ZNF148: variants seen among roughly 807,000 people sequenced by gnomAD.
The protein encoded by ZNF148 is Beta-Enolase Repressor Factor-1.
ZNF148 carries 7 observed loss-of-function variants against 67.7 expected under a neutral mutation model. That is an observed-to-expected ratio of 0.10 (90% CI 0.06 to 0.19). The LOEUF is 0.19. Among genes scored for constraint, ZNF148 ranks in the 10% least tolerant of loss-of-function variants. The pLI, the probability that ZNF148 is intolerant of heterozygous loss-of-function variation, is 1.00. For synonymous variants in ZNF148, 333 were observed against 330.7 expected, an observed-to-expected ratio of 1.01 and a Z score of -0.08; for missense variants, 583 against 947.1, an observed-to-expected ratio of 0.62 and a Z score of 5.05.
rs1184608384 is a variant in ZNF148 at position 125,230,740 on chromosome 3, AT to A, written c.*1600del. ...CAAAATGGAAATTAAGAATATTTTC[AT>A]TTTCCAAGGGTATTAATTTTAGATT... On this transcript the variant is annotated 3_prime_UTR_variant, in exon 9 of 9. Transcript: ENST00000360647. 6.6e-6 allele frequency: 1 copy of A among 152,296 alleles called. No individual in the cohort carries two copies. Among genetic ancestry groups the A allele is most frequent in the Admixed American group, 6.6e-5 (1 of 15,256 alleles). The allele number at this position is 152,296 out of a possible 1,614,324, so 9.4% of individuals were successfully genotyped here.
intron 3 of ZNF148, among the ~76,000 whole-genome samples, chr3:125,322,314 A>ATT (rs879720472): frequency 7.0e-6 from 1 of 143,136 alleles, no homozygotes; most frequent in Non-Finnish European, 1.5e-5. Context: ...GCCTGAGGCC[A>ATT]TTTTTTTTTT....
chr3:125,323,674 T>C (rs1940886394), intron 2 of ZNF148, among the ~76,000 whole-genome samples: 2 of 152,042 alleles, frequency 1.3e-5, no homozygotes, highest in Admixed American at 6.6e-5. Context: ...TAAAGAACAA[T>C]TGCCGGCCAG....
At chr3:125,357,208 T>G (rs978860645) in intron 1 of ZNF148, 1 of 151,858 alleles carries the variant, frequency 6.6e-6, no homozygotes, top group East Asian at 1.9e-4. Flanking sequence ...ATCTGGGAGG[T>G]CCGGCCGCCG....
At chr3:125,278,593 G>A (rs995848400) in intron 6 of ZNF148, among the ~76,000 whole-genome samples, 1 of 151,938 alleles carries the variant, frequency 6.6e-6, no homozygotes, top group Non-Finnish European at 1.5e-5. Context: ...ATCCTGCTTG[G>A]AATTCTATCT....
At chr3:125,335,790 A>G (rs1322738341) in intron 1 of ZNF148, among the ~76,000 whole-genome samples, 1 of 152,230 alleles carries the variant, frequency 6.6e-6, no homozygotes, top group Non-Finnish European at 1.5e-5. Flanking sequence ...GACAGTTTCT[A>G]CTGATACAGT....
chr3:125,370,029 C>T (rs1041761707), intron 1 of ZNF148, among the ~76,000 whole-genome samples: 1 of 151,870 alleles, frequency 6.6e-6, no homozygotes, highest in Non-Finnish European at 1.5e-5. Context: ...AGAGAAGAAG[C>T]TTATCTGTTA....
chr3:125,325,244 G>T (rs1940967626), intron 2 of ZNF148, among the ~76,000 whole-genome samples: 1 of 151,926 alleles, frequency 6.6e-6, no homozygotes, highest in Non-Finnish European at 1.5e-5. Flanking sequence ...CATCAGAAGG[G>T]CTCAACAGAT....
intron 1 of ZNF148, chr3:125,344,069 G>A (rs575811736): frequency 9.9e-5 from 18 of 181,038 alleles, no homozygotes; most frequent in Non-Finnish European, 1.7e-4. Context: ...TTAAATGCAC[G>A]CATTAAATTA....
In ZNF148 at chr3:125,328,005, T is replaced by C. The variant is rs528504600; in HGVS notation, c.-153+3153A>G. ...TAATATGCTCTCAGGCATTTTATCT[T>C]TGTAGTTGTCATTATGAATGTATAC... On this transcript the variant is annotated intron_variant, in intron 2 of 8. Transcript: ENST00000360647. Among the ~76,000 whole-genome samples the C allele has an allele frequency of 4.6e-5, 7 of 152,220 alleles. No homozygotes were observed. The South Asian group carries it at 1.4e-3, about 32-fold the overall frequency.
At chr3:125,317,449 AC>A (rs1940555624) in intron 3 of ZNF148, among the ~76,000 whole-genome samples, 1 of 151,946 alleles carries the variant, frequency 6.6e-6, no homozygotes, top group Non-Finnish European at 1.5e-5. Flanking sequence ...GTTTGCTACA[AC>A]CCTTCAATGG....
At chr3:125,266,387 T>A (rs555207299) in intron 7 of ZNF148, among the ~76,000 whole-genome samples, 1 of 152,052 alleles carries the variant, frequency 6.6e-6, no homozygotes, top group South Asian at 2.1e-4. Context: ...TCAGACCACA[T>A]TGGAATAAAA....
At chr3:125,239,941 A>AGT (rs1936270334) in intron 7 of ZNF148, among the ~76,000 whole-genome samples, 1 of 152,180 alleles carries the variant, frequency 6.6e-6, no homozygotes, top group Non-Finnish European at 1.5e-5. Flanking sequence ...GAGAATGGGG[A>AGT]GTGACTACTA....
intron 6 of ZNF148, 149 bp from the exon 7 acceptor site, chr3:125,277,958 T>C (rs966303975): frequency 1.9e-6 from 1 of 531,852 alleles, no homozygotes; most frequent in African/African-American, 2.0e-5. Context: ...AACAGAATTT[T>C]ATGTCCTCTC....
chr3:125,232,248 T>C lies in ZNF148; in HGVS notation c.*93A>G. 2.1e-6 allele frequency: 3 copies of C among 1,399,204 alleles called. No individual in the cohort carries two copies. Among genetic ancestry groups the C allele is most frequent in the South Asian group, 1.5e-5 (1 of 67,150 alleles). The allele number at this position is 1,399,204 out of a possible 1,614,324, so 86.7% of individuals were successfully genotyped here. ...TTAACTTGTTATTACGCATTGCTCT[T>C]AAATCTGTACAGCACTCCATTTACA... On this transcript the variant is annotated 3_prime_UTR_variant, in exon 9 of 9. Coordinates refer to ENST00000360647, the MANE Select transcript of ZNF148 (RefSeq NM_021964.3). This position sits in a 1 kb window ranked among gnomAD's most constrained non-coding sequence, Gnocchi z 4.2.
At chr3:125,364,249 A>G (rs1452938442) in intron 1 of ZNF148, among the ~76,000 whole-genome samples, 1 of 152,162 alleles carries the variant, frequency 6.6e-6, no homozygotes, top group Non-Finnish European at 1.5e-5. Context: ...AAATGCAAAA[A>G]TTAGCTGGGC....
intron 7 of ZNF148, among the ~76,000 whole-genome samples, chr3:125,273,663 T>C (rs1359808212): frequency 6.6e-6 from 1 of 152,062 alleles, no homozygotes. Flanking sequence ...CTGGCTAATT[T>C]TTGTATTTTT....
At chr3:125,293,774 T>C (rs1939141991) in intron 4 of ZNF148, among the ~76,000 whole-genome samples, 1 of 151,980 alleles carries the variant, frequency 6.6e-6, no homozygotes, top group African/African-American at 2.4e-5. Context: ...GGAACATCAA[T>C]ATAGAAGGAA....
At chr3:125,325,680 G>A (rs1016562703) in intron 2 of ZNF148, among the ~76,000 whole-genome samples, 6 of 152,068 alleles carry the variant, frequency 3.9e-5, no homozygotes, top group South Asian at 2.1e-4. Flanking sequence ...AGCCAAGCTG[G>A]TCTCGAACTC....
intron 4 of ZNF148, 96 bp downstream of exon 4, chr3:125,313,212 C>G (rs890948456): frequency 3.0e-6 from 3 of 985,592 alleles, no homozygotes; most frequent in Admixed American, 5.2e-5. Context: ...ACTATTTAGC[C>G]CTGAAACATT....
Sources: allele counts gnomAD v4.1 joint callset (sites outside exome capture counted in the v4.1 genomes callset), GRCh38; gene constraint gnomAD v4.1.1; non-coding constraint Gnocchi (gnomAD v3.1); transcripts MANE v1.5; gene names NCBI Gene and HGNC (gene_info 2026-07-23, HGNC 2026-07-21).